Variants in DNAH14 observed in about 807,000 individuals in gnomAD.
DNAH14 encodes the protein dynein axonemal heavy chain 14, also known as axonemal beta dynein heavy chain 14.
In DNAH14, 478 loss-of-function variants were observed where a neutral mutation model predicts 520.9. The observed-to-expected ratio is 0.92, with a 90% CI of 0.85 to 0.99. The LOEUF is 0.99. Among genes scored for constraint, DNAH14 ranks in the 50% least tolerant of loss-of-function variants. The pLI is 0.00. For missense variants in DNAH14, 4,831 were observed against 5,234.5 expected, an observed-to-expected ratio of 0.92 and a Z score of 2.38; for synonymous variants, 1,581 against 1,757.2, an observed-to-expected ratio of 0.90 and a Z score of 2.51.
At chr1:225,008,501 T>C (rs1213121976) in intron 10 of DNAH14, among the ~76,000 whole-genome samples, 1 of 151,728 alleles carries the variant, frequency 6.6e-6, no homozygotes, top group Non-Finnish European at 1.5e-5. Context: ...TCTTCCACAA[T>C]GTTCAAACTA....
intron 8 of DNAH14, among the ~76,000 whole-genome samples, chr1:224,987,856 G>C (rs1440769582): frequency 6.6e-6 from 1 of 152,120 alleles, no homozygotes; most frequent in African/African-American, 2.4e-5. Context: ...TCGAACTCCT[G>C]ACCTCATGAT....
At chr1:225,103,207 G>A (rs1437744993) in intron 23 of DNAH14, among the ~76,000 whole-genome samples, 4 of 151,940 alleles carry the variant, frequency 2.6e-5, no homozygotes, top group Non-Finnish European at 5.9e-5. Context: ...TGTAGATATG[G>A]GACATTATTT....
chr1:225,335,308 CGT>C lies in DNAH14; in HGVS notation c.10080+1807_10080+1808del, dbSNP rs796190462. On this transcript the variant is annotated intron_variant, in intron 66 of 85. Transcript: ENST00000682510. ...ATATGCACATATACACATGTGTACA[CGT>C]GTGTATATGCACATATACACGTGTG... Among the ~76,000 whole-genome samples, 11 of 83,798 alleles carry C rather than the reference CGT, an allele frequency of 1.3e-4. 1 individual carries two copies. Among genetic ancestry groups the C allele is most frequent in the South Asian group, 8.5e-4 (2 of 2,354 alleles). The allele number at this position is 83,798 out of a possible 152,430, so 55.0% of individuals were successfully genotyped here.
intron 77 of DNAH14, among the ~76,000 whole-genome samples, chr1:225,374,174 T>TATATATATATATAC (rs1319940659): frequency 1.1e-5 from 1 of 94,016 alleles, no homozygotes; most frequent in African/African-American, 3.7e-5. Context: ...TATATATATA[T>TATATATATATATAC]ATATATATAC....
intron 23 of DNAH14, among the ~76,000 whole-genome samples, chr1:225,109,912 A>T (rs2076359042): frequency 6.6e-6 from 1 of 152,078 alleles, no homozygotes; most frequent in Admixed American, 6.5e-5. Flanking sequence ...AATTTAATCA[A>T]ATGCTTTATC....
At chr1:225,172,859 T>C (rs976052691) in intron 36 of DNAH14, among the ~76,000 whole-genome samples, 4 of 152,166 alleles carry the variant, frequency 2.6e-5, no homozygotes. Context: ...CTTCAAACTA[T>C]ACTACAAGGC....
intron 55 of DNAH14, 43 bp from the exon 56 acceptor site, chr1:225,300,826 T>G: frequency 6.5e-7 from 1 of 1,530,684 alleles, no homozygotes; most frequent in Non-Finnish European, 8.8e-7. Context: ...GTAGAATATA[T>G]GAATAATTTA....
At chr1:224,998,646 AGTTGTTGTT>A (rs150953013) in intron 8 of DNAH14, among the ~76,000 whole-genome samples, 9 of 151,274 alleles carry the variant, frequency 5.9e-5, no homozygotes, top group East Asian at 3.9e-4. Context: ...AAATGTGTTG[AGTTGTTGTT>A]GTTGTTGTTG....
At chr1:225,262,317 C>T (rs747129697) in intron 46 of DNAH14, among the ~76,000 whole-genome samples, 3 of 151,694 alleles carry the variant, frequency 2.0e-5, no homozygotes, top group Non-Finnish European at 4.4e-5. Context: ...TTTATTATTT[C>T]TTTTGCTGTG....
chr1:225,397,621 A>G (rs1457925140), intron 84 of DNAH14: 3 of 152,278 alleles, frequency 2.0e-5, no homozygotes, highest in Middle Eastern at 3.2e-3. Flanking sequence ...CCTCAGGCAC[A>G]CCTGGAGTCA....
At chr1:225,100,652 T>G in intron 22 of DNAH14, 61 bp from the exon 23 acceptor site, 2 of 1,290,276 alleles carry the variant, frequency 1.6e-6, no homozygotes, top group Non-Finnish European at 1.0e-6. Flanking sequence ...TGCATTACAT[T>G]ATAGATTTTA....
intron 8 of DNAH14, among the ~76,000 whole-genome samples, chr1:224,974,562 G>A (rs2061689049): frequency 6.6e-6 from 1 of 152,144 alleles, no homozygotes; most frequent in Non-Finnish European, 1.5e-5. Context: ...AAATAATAGA[G>A]ATATCCCATG....
At chr1:224,958,254 G>C (rs770811979) in intron 3 of DNAH14, among the ~76,000 whole-genome samples, 1 of 152,114 alleles carries the variant, frequency 6.6e-6, no homozygotes, top group Non-Finnish European at 1.5e-5. Context: ...CATTGAAAAG[G>C]AAGAAGAGCA....
At chr1:225,082,326 T>C (rs2148590978) in intron 19 of DNAH14, among the ~76,000 whole-genome samples, 2 of 152,252 alleles carry the variant, frequency 1.3e-5, no homozygotes, top group East Asian at 3.9e-4. Flanking sequence ...TGGGTTTTAG[T>C]CACCTGTCCT....
chr1:225,086,289 C>A (rs567929464), intron 21 of DNAH14, among the ~76,000 whole-genome samples: 3 of 119,868 alleles, frequency 2.5e-5, no homozygotes, highest in Non-Finnish European at 3.9e-5. Flanking sequence ...CCCGCCACGA[C>A]GCCCGGCTAA....
chr1:225,381,839 T>C (rs1372336411), intron 81 of DNAH14, among the ~76,000 whole-genome samples: 1 of 152,242 alleles, frequency 6.6e-6, no homozygotes, highest in South Asian at 2.1e-4. Flanking sequence ...TCAAAGTAGG[T>C]GCACTCTTGG....
At chr1:225,088,919 T>C (rs926639323) in intron 21 of DNAH14, among the ~76,000 whole-genome samples, 5 of 152,218 alleles carry the variant, frequency 3.3e-5, no homozygotes, top group South Asian at 2.1e-4. Flanking sequence ...AACCATTATA[T>C]GTACTAAAGA....
In DNAH14 at chr1:225,264,271, A is replaced by G. The variant is rs902126990; in HGVS notation, c.7222+10A>G. On this transcript the variant is annotated intron_variant, in intron 47 of 85. Transcript: ENST00000682510. ...GCAACTGGAAGTTCAGGTATATATT[A>G]TAGTACAGTTTCAAAGCTATGCTAT... 1 of 1,542,676 alleles carries G rather than the reference A, an allele frequency of 6.5e-7. No homozygotes were observed. The highest frequency in any genetic ancestry group is 1.4e-5 in the African/African-American group (1 of 72,828).
rs201446158 is a variant in DNAH14 at position 224,977,006 on chromosome 1, A to G, written c.830+2853A>G. On this transcript the variant is annotated intron_variant, in intron 8 of 85. Transcript: ENST00000682510. ...TTACTGGGTATATACCCAAAGGACTATAAATCATGCTGCTATAAAGACACA... is the reference window on the plus strand; with the variant it reads ...TTACTGGGTATATACCCAAAGGACTGTAAATCATGCTGCTATAAAGACACA... Among the ~76,000 whole-genome samples the G allele has an allele frequency of 1.5e-4, 22 of 151,296 alleles. 1 individual carries two copies. The East Asian group carries it at 3.7e-3, about 25-fold the overall frequency.
Sources: allele counts gnomAD v4.1 joint callset (sites outside exome capture counted in the v4.1 genomes callset), GRCh38; gene constraint gnomAD v4.1.1; transcripts MANE v1.5; gene names NCBI Gene and HGNC (gene_info 2026-07-23, HGNC 2026-07-21).